The following PLD5 variants were observed in gnomAD, a reference collection of about 807,000 sequenced individuals.
PLD5 encodes inactive phospholipase D5.
A neutral mutation model predicts 61.1 loss-of-function variants in PLD5; 36 were observed. That is an observed-to-expected ratio of 0.59 (90% CI 0.45 to 0.78). PLD5 has a LOEUF of 0.78. Among genes scored for constraint, PLD5 ranks in the 30% least tolerant of loss-of-function variants. The probability of loss-of-function intolerance (pLI) is 0.00; values close to 1 mark genes in which losing one functional copy is unlikely to be tolerated. For synonymous variants in PLD5, 243 were observed against 242.8 expected (o/e 1.00, Z -0.01); for missense variants, 515 against 644.4 (o/e 0.80, Z 2.17).
At chr1:242,189,011 G>A (rs1668075532) in intron 5 of PLD5, among the ~76,000 whole-genome samples, 2 of 152,176 alleles carry the variant, frequency 1.3e-5, no homozygotes, top group Admixed American at 6.5e-5. Context: ...AGAGATACTG[G>A]TTAGATTGTC....
chr1:242,256,434 T>C lies in PLD5; in HGVS notation c.607+8903A>G, dbSNP rs1673020047. On this transcript the variant is annotated intron_variant, in intron 4 of 9. Transcript: ENST00000536534. The surrounding 1 kb of genome is among the most constrained non-coding windows in gnomAD (Gnocchi z 5.7). Reference sequence around the variant, plus strand: ...TAATTCCCACTGTGGCAGTATTAAGTGGTGGGGTCTTTGGAAAGTGACTGA... The same window carrying C: ...TAATTCCCACTGTGGCAGTATTAAGCGGTGGGGTCTTTGGAAAGTGACTGA... Among the ~76,000 whole-genome samples the C allele has an allele frequency of 6.6e-6, 1 of 152,194 alleles. No homozygotes were observed. The highest frequency in any genetic ancestry group is 2.1e-4 in the South Asian group (1 of 4,832).
At position 242,166,295 on chromosome 1, in the gene PLD5, C is replaced by T. The variant is rs185438635; in HGVS notation, c.736-41630G>A. Among the ~76,000 whole-genome samples, 300 of 152,340 alleles carry T rather than the reference C, an allele frequency of 2.0e-3. 1 individual carries two copies. Among genetic ancestry groups the T allele is most frequent in the Admixed American group, 3.7e-3 (57 of 15,304 alleles). The stretch of plus-strand genomic sequence containing the variant: ...ACAGGTGGGACAACTGGGCATTAGG[C>T]TGTCCTCCAGCCAAAAGAAGCGTTC... On this transcript the variant is annotated intron_variant, in intron 5 of 9. Transcript: ENST00000536534.
intron 1 of PLD5, among the ~76,000 whole-genome samples, chr1:242,485,319 C>T (rs145217443): frequency 0.073 from 11,102 of 152,202 alleles, 524 homozygotes; most frequent in East Asian, 0.14. Context: ...AAAACCCCAT[C>T]GTCTCAGCCC....
At chr1:242,310,291 C>T (rs1461204311) in intron 2 of PLD5, among the ~76,000 whole-genome samples, 1 of 152,128 alleles carries the variant, frequency 6.6e-6, no homozygotes, top group African/African-American at 2.4e-5. Context: ...TGTGTACAGA[C>T]CGCCTGTGAC....
intron 1 of PLD5, among the ~76,000 whole-genome samples, chr1:242,504,987 CT>C (rs1178413413): frequency 6.6e-6 from 1 of 152,030 alleles, no homozygotes; most frequent in Non-Finnish European, 1.5e-5. Context: ...GATACTCCAT[CT>C]CTAAAAAGAT....
At chr1:242,296,616 C>A (rs1675673635) in intron 2 of PLD5, among the ~76,000 whole-genome samples, 1 of 152,178 alleles carries the variant, frequency 6.6e-6, no homozygotes, top group Non-Finnish European at 1.5e-5. Flanking sequence ...ATGTATATTT[C>A]ACTTTTTCCC....
chr1:242,327,134 G>C (rs112162891), intron 2 of PLD5, among the ~76,000 whole-genome samples: 3,516 of 151,998 alleles, frequency 0.023, 126 homozygotes, highest in African/African-American at 0.08. Context: ...CAAAGTGCTG[G>C]GATTACAAGC....
chr1:242,408,478 G>A (rs1215048954), intron 1 of PLD5, among the ~76,000 whole-genome samples: 1 of 152,166 alleles, frequency 6.6e-6, no homozygotes, highest in Non-Finnish European at 1.5e-5. Flanking sequence ...TGTTGGTGAT[G>A]AGTGAGTTCT....
intron 2 of PLD5, among the ~76,000 whole-genome samples, chr1:242,304,326 A>G (rs1184390234): frequency 6.6e-6 from 1 of 152,216 alleles, no homozygotes; most frequent in Non-Finnish European, 1.5e-5. Context: ...AGCACAGAAG[A>G]CAATTTTGGC....
intron 3 of PLD5, among the ~76,000 whole-genome samples, chr1:242,287,327 G>T (rs1441000089): frequency 6.6e-6 from 1 of 152,178 alleles, no homozygotes; most frequent in Non-Finnish European, 1.5e-5. Context: ...TGAACAAATA[G>T]ATACTATTTC....
chr1:242,181,261 CTT>C (rs1339239874), intron 5 of PLD5, among the ~76,000 whole-genome samples: 1 of 152,152 alleles, frequency 6.6e-6, no homozygotes, highest in Non-Finnish European at 1.5e-5. Flanking sequence ...GCAGATCACA[CTT>C]GCAGTAGCAA....
At chr1:242,227,460 GT>G (rs750716566) in intron 4 of PLD5, among the ~76,000 whole-genome samples, 6 of 152,142 alleles carry the variant, frequency 3.9e-5, no homozygotes, top group Non-Finnish European at 5.9e-5. Flanking sequence ...TGCCTCATGA[GT>G]TCAAGCAATT....
chr1:242,293,638 A>G (rs1213768347), intron 2 of PLD5, among the ~76,000 whole-genome samples: 3 of 152,180 alleles, frequency 2.0e-5, no homozygotes, highest in Non-Finnish European at 2.9e-5. Flanking sequence ...GGACTACTGT[A>G]TTACCGTTAT....
At chr1:242,515,217 TGTGA>T (rs997378205) in intron 1 of PLD5, among the ~76,000 whole-genome samples, 22 of 151,726 alleles carry the variant, frequency 1.4e-4, no homozygotes, top group African/African-American at 4.4e-4. Context: ...TGTGTGTGTG[TGTGA>T]GAGAGAGAGA....
intron 2 of PLD5, among the ~76,000 whole-genome samples, chr1:242,308,388 A>C (rs1399411607): frequency 6.6e-6 from 1 of 152,184 alleles, no homozygotes; most frequent in African/African-American, 2.4e-5. Flanking sequence ...CTGCTACTCA[A>C]ATTATTTCTT....
intron 1 of PLD5, among the ~76,000 whole-genome samples, chr1:242,517,844 T>C (rs1012386286): frequency 6.6e-6 from 1 of 152,322 alleles, no homozygotes; most frequent in Admixed American, 6.5e-5. Context: ...ATCTTTCACA[T>C]GAAAGACACT....
At chr1:242,426,791 T>G (rs577049777) in intron 1 of PLD5, among the ~76,000 whole-genome samples, 1 of 152,362 alleles carries the variant, frequency 6.6e-6, no homozygotes, top group South Asian at 2.1e-4. Context: ...ACCAAATCTA[T>G]TTCTTTTTCT....
chr1:242,090,165 C>A, intron 9 of PLD5, 55 bp from the exon 10 acceptor site: 3 of 1,584,388 alleles, frequency 1.9e-6, no homozygotes, highest in African/African-American at 1.3e-5. Context: ...GGGAACATAC[C>A]CAATATAATG....
In PLD5 at chr1:242,317,410, A is replaced by G. The variant is rs1658085189; in HGVS notation, c.327-28880T>C. Reference sequence around the variant, plus strand: ...ATTTAATAATTTTAAATTATCTAACACATTCACTTCATTTTTTTATAAAAG... The same window carrying G: ...ATTTAATAATTTTAAATTATCTAACGCATTCACTTCATTTTTTTATAAAAG... On this transcript the variant is annotated intron_variant, in intron 2 of 9. Coordinates refer to ENST00000536534, the MANE Select transcript of PLD5 (RefSeq NM_001372062.1). 2.0e-5 allele frequency among the ~76,000 whole-genome samples: 3 copies of G among 152,240 alleles called. No homozygotes were observed. In the South Asian group the frequency reaches 6.2e-4, roughly 31 times the overall value.
Sources: gnomAD v4.1 joint callset for allele counts (sites outside exome capture counted in the v4.1 genomes callset) on GRCh38, gnomAD v4.1.1 for gene constraint, Gnocchi (gnomAD v3.1) non-coding constraint, MANE v1.5 for transcripts, NCBI Gene and HGNC (gene_info 2026-07-23, HGNC 2026-07-21) for gene names.